The following SLC35A1 variants were observed in gnomAD, a reference collection of about 807,000 sequenced individuals.
SLC35A1 encodes the protein solute carrier family 35 member A1.
In SLC35A1, 21 loss-of-function variants were observed where a neutral mutation model predicts 40.3. The observed-to-expected ratio is 0.52, with a 90% CI of 0.37 to 0.75. SLC35A1 has a LOEUF of 0.75. SLC35A1 is among the 30% of genes least tolerant of loss of function. SLC35A1 has a pLI of 0.00. For synonymous variants in SLC35A1, 146 were observed against 147.3 expected, an observed-to-expected ratio of 0.99 and a Z score of 0.06; for missense variants, 297 against 382.1, an observed-to-expected ratio of 0.78 and a Z score of 1.86.
chr6:87,507,155 A>C (rs1770111735), intron 5 of SLC35A1: 1 of 152,242 alleles, frequency 6.6e-6, no homozygotes, highest in Admixed American at 6.5e-5. Context: ...TTTTAGTAGA[A>C]TATATTAGTT....
At chr6:87,479,148 C>A (rs1421083432) in intron 2 of SLC35A1, among the ~76,000 whole-genome samples, 1 of 152,216 alleles carries the variant, frequency 6.6e-6, no homozygotes, top group Admixed American at 6.5e-5. Flanking sequence ...TACTGACATA[C>A]TGATTCTTCG....
At chr6:87,474,735 T>C (rs1769019348) in intron 1 of SLC35A1, among the ~76,000 whole-genome samples, 1 of 152,214 alleles carries the variant, frequency 6.6e-6, no homozygotes, top group Non-Finnish European at 1.5e-5. Context: ...TGAAATACGT[T>C]TAAAAACTGG....
intron 2 of SLC35A1, among the ~76,000 whole-genome samples, chr6:87,491,043 G>A (rs1271970968): frequency 2.0e-5 from 3 of 152,180 alleles, no homozygotes; most frequent in Non-Finnish European, 4.4e-5. Flanking sequence ...ACAGGTGAGG[G>A]AAACAAGCTG....
At chr6:87,504,042 TAGC>T (rs1330940780) in intron 4 of SLC35A1, among the ~76,000 whole-genome samples, 3 of 152,136 alleles carry the variant, frequency 2.0e-5, no homozygotes, top group Non-Finnish European at 4.4e-5. Flanking sequence ...TAAATTTATT[TAGC>T]TAGGTAGTCT....
chr6:87,473,249 CA>C (rs1420835938), intron 1 of SLC35A1, among the ~76,000 whole-genome samples: 1 of 152,190 alleles, frequency 6.6e-6, no homozygotes. Flanking sequence ...AGGTCGGAGT[CA>C]GAGACCGCAC....
intron 1 of SLC35A1, among the ~76,000 whole-genome samples, chr6:87,476,161 CTTAAA>C (rs1292313964): frequency 2.6e-5 from 4 of 152,146 alleles, no homozygotes; most frequent in Non-Finnish European, 4.4e-5. Flanking sequence ...GCAGGCAATT[CTTAAA>C]TTAAGTGTTT....
At chr6:87,497,607 T>G (rs938291961) in intron 2 of SLC35A1, among the ~76,000 whole-genome samples, 1 of 152,136 alleles carries the variant, frequency 6.6e-6, no homozygotes, top group Non-Finnish European at 1.5e-5. Flanking sequence ...GTATCGTGAT[T>G]ATTTGGAGTA....
At chr6:87,494,312 T>C (rs1769649977) in intron 2 of SLC35A1, among the ~76,000 whole-genome samples, 2 of 152,194 alleles carry the variant, frequency 1.3e-5, no homozygotes, top group Non-Finnish European at 2.9e-5. Flanking sequence ...CAGATAACTT[T>C]TAAATTAAAA....
Position 87,501,191 on chromosome 6 carries a change from T to TAA in SLC35A1, c.388_389insAA (p.Leu130Ter). 6.2e-7 allele frequency: 1 copy of TAA among 1,613,970 alleles called. No homozygotes were observed. Among genetic ancestry groups the TAA allele is most frequent in the Non-Finnish European group, 8.5e-7 (1 of 1,179,840 alleles). Residue 130 changes from leucine (L) to a stop codon, truncating the protein, a stop_gained and frameshift_variant, in exon 4 of 8, where the codon TTA (leucine) becomes TAATA (stop). Coordinates refer to ENST00000369552, the MANE Select transcript of SLC35A1 (RefSeq NM_006416.5). LOFTEE classifies it high-confidence loss of function. ...CCAGTTGAAGATTCCGTGTACTGCT[T>TAA]TATGCACTGTTTTAATGTTAAACCG... is the stretch of plus-strand genomic sequence containing the variant. ...TYQLKIPCTALCTVLMLNRTL... is the reference protein window; with the variant it reads ...TYQLKIPCTA
intron 4 of SLC35A1, 83 bp from the exon 5 acceptor site, chr6:87,506,299 G>C: frequency 9.4e-7 from 1 of 1,061,718 alleles, no homozygotes; most frequent in Non-Finnish European, 1.5e-6. Context: ...GACTGTAACA[G>C]GTTTTTGTAT....
rs74385442 is a variant in SLC35A1 at position 87,501,369 on chromosome 6, T to A, written c.507+59T>A. Reference sequence around the variant, plus strand: ...AAATAGAAAACTTCCTTAAGTCTTATACTGTTCAGTTACATTGATGCATGC... The same window carrying A: ...AAATAGAAAACTTCCTTAAGTCTTAAACTGTTCAGTTACATTGATGCATGC... On this transcript the variant is annotated intron_variant, in intron 4 of 7. Coordinates refer to ENST00000369552, the MANE Select transcript of SLC35A1 (RefSeq NM_006416.5). 2,792 of 1,520,956 alleles carry A rather than the reference T, an allele frequency of 1.8e-3. 36 individuals carry two copies. In the African/African-American group the frequency reaches 0.035, roughly 19 times the overall value. 94.2% of individuals were successfully genotyped at this position (1,520,956 alleles called of 1,614,324 possible). A position where few individuals can be genotyped will look rare whatever the true frequency, so the allele number is the denominator to read the frequency against.
intron 1 of SLC35A1, among the ~76,000 whole-genome samples, chr6:87,476,554 T>C (rs1219218417): frequency 6.8e-6 from 1 of 146,698 alleles, no homozygotes; most frequent in African/African-American, 2.5e-5. Context: ...GTGAAACCTC[T>C]TCCCTACTAA....
chr6:87,507,453 C>G (rs1329917822), intron 5 of SLC35A1, among the ~76,000 whole-genome samples: 1 of 152,080 alleles, frequency 6.6e-6, no homozygotes, highest in East Asian at 1.9e-4. Context: ...TCTCTTAATA[C>G]ACAATTGAGG....
At chr6:87,492,888 T>C (rs1168303915) in intron 2 of SLC35A1, among the ~76,000 whole-genome samples, 2 of 152,146 alleles carry the variant, frequency 1.3e-5, no homozygotes, top group Non-Finnish European at 2.9e-5. Flanking sequence ...CCTGCTAGGT[T>C]TCTCCACATA....
chr6:87,500,144 A>G (rs920987793), intron 2 of SLC35A1, among the ~76,000 whole-genome samples: 7 of 152,150 alleles, frequency 4.6e-5, no homozygotes, highest in African/African-American at 9.7e-5. Flanking sequence ...AAACTGATCA[A>G]TTAAAAAGTA....
intron 2 of SLC35A1, among the ~76,000 whole-genome samples, chr6:87,492,094 C>T (rs925300098): frequency 2.6e-5 from 4 of 152,242 alleles, no homozygotes; most frequent in Middle Eastern, 3.4e-3. Flanking sequence ...TTGTCCCTAA[C>T]GTTCTTCAGT....
chr6:87,480,177 G>A (rs868266974), intron 2 of SLC35A1, among the ~76,000 whole-genome samples: 8 of 152,218 alleles, frequency 5.3e-5, no homozygotes, highest in African/African-American at 1.2e-4. Flanking sequence ...TCCCCGTGTC[G>A]TTAGAGACAC....
At chr6:87,473,186 G>A (rs1445556329) in intron 1 of SLC35A1, among the ~76,000 whole-genome samples, 167 bp downstream of exon 1, 1 of 152,216 alleles carries the variant, frequency 6.6e-6, no homozygotes, top group Non-Finnish European at 1.5e-5. Flanking sequence ...GGCAGTCAGG[G>A]CAGCCTGCCT....
intron 1 of SLC35A1, among the ~76,000 whole-genome samples, chr6:87,477,118 C>G (rs1273686265): frequency 6.6e-6 from 1 of 151,940 alleles, no homozygotes; most frequent in Non-Finnish European, 1.5e-5. Context: ...GGGGCACTCC[C>G]TAGGAACAAA....
Sources: allele counts gnomAD v4.1 joint callset (sites outside exome capture counted in the v4.1 genomes callset), GRCh38; gene constraint gnomAD v4.1.1; transcripts MANE v1.5; gene names NCBI Gene and HGNC (gene_info 2026-07-23, HGNC 2026-07-21).